The following RBFOX1 variants were observed in gnomAD, a reference collection of about 807,000 sequenced individuals.
The protein encoded by RBFOX1 is RNA binding fox-1 homolog 1, also known as RNA binding protein fox-1 homolog 1.
RBFOX1 carries 8 observed loss-of-function variants against 57.7 expected under a neutral mutation model. The observed-to-expected ratio is 0.14, with a 90% CI of 0.08 to 0.25. RBFOX1 has a LOEUF of 0.25. Among genes scored for constraint, RBFOX1 ranks in the 10% least tolerant of loss-of-function variants. The pLI, the probability that RBFOX1 is intolerant of heterozygous loss-of-function variation, is 1.00. For missense variants in RBFOX1, 611 were observed against 548.5 expected (o/e 1.11, Z -1.14); for synonymous variants, 326 against 222.4 (o/e 1.47, Z -4.15).
chr16:5,736,023 A>AG lies in RBFOX1; in HGVS notation c.319-131278dup, dbSNP rs144769356. Among the ~76,000 whole-genome samples the AG allele has an allele frequency of 4.9e-3, 748 of 152,212 alleles. 9 individuals are homozygous for AG. The highest frequency in any genetic ancestry group is 0.017 in the African/African-American group (720 of 41,528). ...CTTAGGGTCCTCTTCCTGTGTTCAG[A>AG]GGAACAAAGACGGTGACATGCTGAC... On this transcript the variant is annotated intron_variant, in intron 3 of 19. Coordinates refer to the RBFOX1 transcript ENST00000641259.
intron 4 of RBFOX1, among the ~76,000 whole-genome samples, chr16:5,997,423 T>G (rs1435893915): frequency 6.6e-6 from 1 of 152,166 alleles, no homozygotes; most frequent in Non-Finnish European, 1.5e-5. Context: ...ATGGTATAAT[T>G]AAAAAGAAAA....
At chr16:5,727,349 A>G (rs1239304730) in intron 3 of RBFOX1, among the ~76,000 whole-genome samples, 1 of 152,208 alleles carries the variant, frequency 6.6e-6, no homozygotes, top group Non-Finnish European at 1.5e-5. Flanking sequence ...TTCTAGCTTT[A>G]TTGAGCATTT....
chr16:5,830,286 G>A (rs576898334), intron 3 of RBFOX1, among the ~76,000 whole-genome samples: 19 of 152,180 alleles, frequency 1.2e-4, no homozygotes, highest in Admixed American at 1.1e-3. Context: ...TGTTGGAGGT[G>A]GAATCATTTT....
intron 5 of RBFOX1, among the ~76,000 whole-genome samples, chr16:7,524,083 C>G (rs1328014428): frequency 6.6e-6 from 1 of 152,192 alleles, no homozygotes; most frequent in East Asian, 1.9e-4. Context: ...AGCTCTAACT[C>G]TTCTTTGACA....
rs182050429 is a variant in RBFOX1 at position 7,251,451 on chromosome 16, C to T, written c.27+199353C>T. Among the ~76,000 whole-genome samples the T allele has an allele frequency of 2.3e-3, 313 of 136,728 alleles. 3 individuals carry two copies. Among genetic ancestry groups the T allele is most frequent in the Non-Finnish European group, 6.8e-4 (44 of 64,832 alleles). 89.7% of individuals were successfully genotyped at this position (136,728 alleles called of 152,430 possible). On this transcript the variant is annotated intron_variant, in intron 4 of 15. Coordinates refer to ENST00000550418, the MANE Select transcript of RBFOX1 (RefSeq NM_018723.4). ...GGGGGATGGAGTTTTGTTCTTGTTG[C>T]CCAGGCTGGAGTGCAGTGGCGCGGT... is the stretch of plus-strand genomic sequence containing the variant.
intron 4 of RBFOX1, among the ~76,000 whole-genome samples, chr16:7,420,307 C>T (rs1216825001): frequency 6.6e-6 from 1 of 152,092 alleles, no homozygotes; most frequent in Non-Finnish European, 1.5e-5. Context: ...AAACATGAGA[C>T]ATGGAATCTG....
chr16:5,597,782 G>C (rs1178371969), intron 2 of RBFOX1, among the ~76,000 whole-genome samples: 4 of 152,140 alleles, frequency 2.6e-5, no homozygotes, highest in Non-Finnish European at 4.4e-5. Flanking sequence ...TCGTGGAAAG[G>C]TGGACGAAGG....
At chr16:7,270,544 G>A (rs760957585) in intron 4 of RBFOX1, among the ~76,000 whole-genome samples, 28 of 152,232 alleles carry the variant, frequency 1.8e-4, no homozygotes, top group African/African-American at 6.5e-4. Context: ...TTGCAATGCA[G>A]TGGTGGCTCA....
At chr16:6,672,399 AAAGG>A (rs1338015581) in intron 3 of RBFOX1, among the ~76,000 whole-genome samples, 2 of 151,194 alleles carry the variant, frequency 1.3e-5, no homozygotes, top group Non-Finnish European at 3.0e-5. Flanking sequence ...GAGAGAGAGA[AAAGG>A]AAGGACGGAT....
At chr16:6,161,669 G>C (rs752520843) in intron 1 of RBFOX1, among the ~76,000 whole-genome samples, 1 of 152,204 alleles carries the variant, frequency 6.6e-6, no homozygotes, top group East Asian at 1.9e-4. Flanking sequence ...CTTTGAAAGA[G>C]CTGGAGCTGA....
intron 4 of RBFOX1, among the ~76,000 whole-genome samples, chr16:7,398,090 T>A (rs150475410): frequency 7.2e-5 from 11 of 152,264 alleles, no homozygotes; most frequent in Non-Finnish European, 1.3e-4. Flanking sequence ...GGGTTGTTCA[T>A]GAGTAATTGA....
intron 14 of RBFOX1, among the ~76,000 whole-genome samples, chr16:7,680,214 A>T (rs2074380178): frequency 6.6e-6 from 1 of 152,134 alleles, no homozygotes; most frequent in Non-Finnish European, 1.5e-5. Context: ...TGATTGGCTC[A>T]TGGTTTGTGT....
At chr16:6,291,142 G>A (rs2077426794) in intron 1 of RBFOX1, among the ~76,000 whole-genome samples, 1 of 152,136 alleles carries the variant, frequency 6.6e-6, no homozygotes, top group South Asian at 2.1e-4. Context: ...GTTTTGGTGG[G>A]TTTTGGCCAC....
intron 4 of RBFOX1, among the ~76,000 whole-genome samples, chr16:5,909,151 G>A (rs180824300): frequency 1.4e-3 from 195 of 137,392 alleles, no homozygotes; most frequent in African/African-American, 4.8e-3. Context: ...GGAGTGCAGT[G>A]GTGCGGTCTG....
At chr16:7,379,137 G>A (rs2097739663) in intron 4 of RBFOX1, among the ~76,000 whole-genome samples, 1 of 152,128 alleles carries the variant, frequency 6.6e-6, no homozygotes, top group African/African-American at 2.4e-5. Context: ...ATCACTTGTT[G>A]TTAATAGTGG....
intron 4 of RBFOX1, among the ~76,000 whole-genome samples, chr16:6,002,085 C>G (rs2060610914): frequency 6.6e-6 from 1 of 151,592 alleles, no homozygotes; most frequent in African/African-American, 2.4e-5. Flanking sequence ...GATTGTCCCT[C>G]TTCAGCCTCC....
chr16:6,162,550 C>T (rs1221171826), intron 1 of RBFOX1, among the ~76,000 whole-genome samples: 1 of 152,158 alleles, frequency 6.6e-6, no homozygotes, highest in South Asian at 2.1e-4. Context: ...ACATAGATGA[C>T]TCTCAGTGAA....
chr16:7,669,301 G>A (rs1428516528), intron 13 of RBFOX1, among the ~76,000 whole-genome samples: 1 of 152,096 alleles, frequency 6.6e-6, no homozygotes, highest in East Asian at 1.9e-4. Context: ...GACCTTCTCA[G>A]AAAGAGACCA....
intron 1 of RBFOX1, among the ~76,000 whole-genome samples, chr16:6,077,079 G>A (rs538697869): frequency 6.6e-6 from 1 of 152,308 alleles, no homozygotes; most frequent in Non-Finnish European, 1.5e-5. Context: ...GCCTAGATGG[G>A]TAATCCTCTG....
Sources: gnomAD v4.1 joint callset for allele counts (sites outside exome capture counted in the v4.1 genomes callset) on GRCh38, gnomAD v4.1.1 for gene constraint, MANE v1.5 for transcripts, NCBI Gene and HGNC (gene_info 2026-07-23, HGNC 2026-07-21) for gene names.